The following ATP13A5 variants were observed in gnomAD, a reference collection of about 807,000 sequenced individuals.
ATP13A5 encodes ATPase 13A5.
ATP13A5 carries 149 observed loss-of-function variants against 150.2 expected under a neutral mutation model. That is an observed-to-expected ratio of 0.99 (90% CI 0.87 to 1.14). The LOEUF (loss-of-function observed/expected upper bound fraction) is 1.14, where lower values mean the gene tolerates loss of function less well. Among genes scored for constraint, ATP13A5 ranks in the 50% most tolerant of loss-of-function variants. The probability of loss-of-function intolerance (pLI) is 0.00; values close to 1 mark genes in which losing one functional copy is unlikely to be tolerated. For synonymous variants in ATP13A5, 497 were observed against 522.2 expected, an observed-to-expected ratio of 0.95 and a Z score of 0.66; for missense variants, 1,383 against 1,449.3, an observed-to-expected ratio of 0.95 and a Z score of 0.74.
intron 21 of ATP13A5, among the ~76,000 whole-genome samples, chr3:193,309,421 A>T (rs1718752683): frequency 6.6e-6 from 1 of 152,120 alleles, no homozygotes; most frequent in South Asian, 2.1e-4. Context: ...GTTCTCTAAG[A>T]TATATGCCTT....
chr3:193,296,402 T>A (rs551907575), intron 25 of ATP13A5, among the ~76,000 whole-genome samples: 5 of 152,288 alleles, frequency 3.3e-5, no homozygotes, highest in African/African-American at 1.2e-4. Context: ...TTTCTGCATA[T>A]GGCTAGCCAG....
At chr3:193,282,253 T>C (rs1717529334) in intron 27 of ATP13A5, among the ~76,000 whole-genome samples, 1 of 152,228 alleles carries the variant, frequency 6.6e-6, no homozygotes, top group Non-Finnish European at 1.5e-5. Flanking sequence ...AAAATACATT[T>C]ATAATTTTAA....
chr3:193,363,210 A>G, intron 3 of ATP13A5, 26 bp downstream of exon 3: 2 of 1,597,444 alleles, frequency 1.3e-6, no homozygotes, highest in South Asian at 2.3e-5. Flanking sequence ...AAACATGCAT[A>G]ACACCATACC....
rs769491775 is a variant in ATP13A5 at position 193,290,072 on chromosome 3, T to C, written c.2849-13A>G. 6.9e-6 allele frequency: 11 copies of C among 1,587,090 alleles called. 1 individual carries two copies. In the South Asian group the frequency reaches 1.2e-4, roughly 17 times the overall value. On this transcript the variant is annotated splice_polypyrimidine_tract_variant and intron_variant, in intron 25 of 29. Transcript: ENST00000342358. ...TGAGTTGAACTCACTGAAAGACAAA[T>C]ACATTTTTTTCCTATTACAATCTTA...
intron 27 of ATP13A5, among the ~76,000 whole-genome samples, chr3:193,283,066 AT>A (rs1452320327): frequency 6.6e-6 from 1 of 152,234 alleles, no homozygotes; most frequent in Non-Finnish European, 1.5e-5. Flanking sequence ...TATGGAAACT[AT>A]ATAGACATAC....
intron 26 of ATP13A5, among the ~76,000 whole-genome samples, chr3:193,288,509 T>C (rs1480199772): frequency 6.6e-6 from 1 of 152,138 alleles, no homozygotes; most frequent in Non-Finnish European, 1.5e-5. Flanking sequence ...TCATTAGAAT[T>C]TTTTAGCAAT....
intron 1 of ATP13A5, among the ~76,000 whole-genome samples, chr3:193,369,849 C>T (rs965925940): frequency 1.3e-5 from 2 of 152,074 alleles, no homozygotes; most frequent in East Asian, 1.9e-4. Context: ...AAAAACAATG[C>T]GGCTTAAAGA....
chr3:193,280,470 A>G (rs973981816), intron 27 of ATP13A5, among the ~76,000 whole-genome samples: 7 of 152,222 alleles, frequency 4.6e-5, no homozygotes, highest in African/African-American at 1.7e-4. Context: ...TAATTCATGT[A>G]TCAACTGGAC....
At chr3:193,312,991 A>T (rs867485846) in intron 19 of ATP13A5, 1 of 152,156 alleles carries the variant, frequency 6.6e-6, no homozygotes, top group Non-Finnish European at 1.5e-5. Flanking sequence ...CCTGGTGGGG[A>T]CTAAAATTTC....
At chr3:193,310,611 A>G (rs761756785) in intron 21 of ATP13A5, 27 bp downstream of exon 21, 3 of 1,566,422 alleles carry the variant, frequency 1.9e-6, no homozygotes, top group Non-Finnish European at 2.6e-6. Flanking sequence ...TAATGAGCAC[A>G]CTCTTCTTTC....
chr3:193,333,280 T>C (rs1359076375), intron 11 of ATP13A5, among the ~76,000 whole-genome samples: 2 of 151,954 alleles, frequency 1.3e-5, no homozygotes, highest in Non-Finnish European at 2.9e-5. Context: ...CAATTTTCTC[T>C]TCCTCCCCAC....
In ATP13A5 at chr3:193,289,958, A is replaced by T; in HGVS notation, c.2950T>A (p.Ser984Thr). ...LLSIFLNSCF[S>T]CIVQISAFLY... is the part of the protein sequence containing the mutation. ...AATGCACTGATCTGCACAATGCAGG[A>T]GAAACAGGAATTCAAAAATATTGAA... The change falls in exon 26 of 30, where the codon TCC becomes ACC. Residue 984 changes from serine to threonine, a missense_variant. Ser to Thr is a moderately conservative substitution (Grantham distance 58, BLOSUM62 1). Coordinates refer to ENST00000342358, the MANE Select transcript of ATP13A5 (RefSeq NM_198505.4). 3.1e-6 allele frequency: 5 copies of T among 1,613,030 alleles called. No homozygotes were observed. Among genetic ancestry groups the T allele is most frequent in the Non-Finnish European group, 4.2e-6 (5 of 1,179,300 alleles).
Position 193,354,178 on chromosome 3 carries a change from G to A in ATP13A5, c.555C>T (p.Pro185=). Reference sequence around the variant, plus strand: ...GTTGGATTTCAACCTCAATGGCGTTGGGCCCACACACTAATCTTCTGCGGG... The same window carrying A: ...GTTGGATTTCAACCTCAATGGCGTTAGGCCCACACACTAATCTTCTGCGGG... ...EQEVRRLVCG[P]NAIEVEIQPI... Residue 185 remains proline, a synonymous_variant, in exon 6 of 30, where the codon CCC becomes CCT. Transcript: ENST00000342358. 6.2e-7 allele frequency: 1 copy of A among 1,612,632 alleles called. No homozygotes were observed. The highest frequency in any genetic ancestry group is 8.5e-7 in the Non-Finnish European group (1 of 1,179,632).
intron 18 of ATP13A5, 35 bp from the exon 19 acceptor site, chr3:193,314,228 C>G: frequency 6.2e-7 from 1 of 1,602,726 alleles, no homozygotes; most frequent in Non-Finnish European, 8.5e-7. Context: ...GCTGTATGTA[C>G]AAACCTCCCC....
chr3:193,283,315 C>T (rs888092588), intron 27 of ATP13A5, among the ~76,000 whole-genome samples: 3 of 152,154 alleles, frequency 2.0e-5, no homozygotes, highest in Admixed American at 2.0e-4. Flanking sequence ...GATAATCTAT[C>T]CTATTTCATA....
chr3:193,336,706 T>C (rs1039098800), intron 9 of ATP13A5, among the ~76,000 whole-genome samples: 1 of 152,230 alleles, frequency 6.6e-6, no homozygotes, highest in Non-Finnish European at 1.5e-5. Flanking sequence ...TACGTGTGCA[T>C]GTGTCTTTAT....
rs1718965070 is a variant in ATP13A5, at chr3:193,314,280, G to A, written c.2159-87C>T. On this transcript the variant is annotated intron_variant, in intron 18 of 29. Coordinates refer to ENST00000342358, the MANE Select transcript of ATP13A5 (RefSeq NM_198505.4). ...AGGTCTCCCTTTTCCACTCTGCTTG[G>A]TGTTCTTTGAGAGCATTTACCGCTT... 5 of 1,437,426 alleles carry A rather than the reference G, an allele frequency of 3.5e-6. No individual in the cohort carries two copies. In the East Asian group the frequency reaches 6.9e-5, roughly 20 times the overall value. The allele number at this position is 1,437,426 out of a possible 1,614,324, so 89.0% of individuals were successfully genotyped here.
At position 193,364,041 on chromosome 3, in the gene ATP13A5, A is replaced by ACAGAGTTG. The variant is rs1577373495; in HGVS notation, c.237+65_237+66insCAACTCTG. The ACAGAGTTG allele has an allele frequency of 1.7e-5, 26 of 1,506,750 alleles. No individual in the cohort carries two copies. In the East Asian group the frequency reaches 6.0e-4, roughly 35 times the overall value. 93.3% of individuals were successfully genotyped at this position (1,506,750 alleles called of 1,614,324 possible). ...GAAATATAATACCAGCCACAGAGTTATGCCACAGAGGCAATACAGAAGACA... is the reference window on the plus strand; with the variant it reads ...GAAATATAATACCAGCCACAGAGTTACAGAGTTGTGCCACAGAGGCAATACAGAAGACA... On this transcript the variant is annotated intron_variant, in intron 2 of 29. Transcript: ENST00000342358.
intron 5 of ATP13A5, among the ~76,000 whole-genome samples, chr3:193,359,115 T>C (rs1489932): frequency 0.98 from 149,509 of 152,226 alleles, 73,434 homozygotes; most frequent in East Asian, 1. Context: ...TTAAGTAACT[T>C]GTTAACTTCT....
Sources: gnomAD v4.1 joint callset for allele counts (sites outside exome capture counted in the v4.1 genomes callset) on GRCh38, gnomAD v4.1.1 for gene constraint, MANE v1.5 for transcripts, NCBI Gene and HGNC (gene_info 2026-07-23, HGNC 2026-07-21) for gene names.